EVC2: variants seen among roughly 807,000 people sequenced by gnomAD.
The protein encoded by EVC2 is EvC ciliary complex subunit 2, also known as limbin.
EVC2 carries 148 observed loss-of-function variants against 149.3 expected under a neutral mutation model. That is an observed-to-expected ratio of 0.99 (90% confidence interval 0.87 to 1.14). The LOEUF (loss-of-function observed/expected upper bound fraction) is 1.14, where lower values mean the gene tolerates loss of function less well. Ranked by LOEUF, EVC2 falls within the 50% of genes most tolerant of loss-of-function variation. EVC2 has a pLI of 0.00. For synonymous variants in EVC2, 776 were observed against 649.9 expected (o/e 1.19, Z -2.95); for missense variants, 1,854 against 1,627.3 (o/e 1.14, Z -2.40).
At chr4:5,592,493 G>C (rs184456081) in intron 16 of EVC2, among the ~76,000 whole-genome samples, 18 of 152,324 alleles carry the variant, frequency 1.2e-4, no homozygotes, top group Non-Finnish European at 2.4e-4. Context: ...AGGAATGTCA[G>C]GTGGCCATCA....
chr4:5,665,575 A>G lies in EVC2; in HGVS notation c.945T>C (p.Ala315=). Reference sequence around the variant, plus strand: ...GATAGCGAACCATGAGGAAGAGGGCAGCCCAGGTCAGCACAAGGGAGAGGA... The same window carrying G: ...GATAGCGAACCATGAGGAAGAGGGCGGCCCAGGTCAGCACAAGGGAGAGGA... ...AFLLSLVLTW[A]ALFLMVRYQC... The change falls in exon 8 of 22, where the codon GCT becomes GCC. Residue 315 remains alanine (A), a synonymous_variant. Transcript: ENST00000344408. The G allele has an allele frequency of 1.2e-6, 2 of 1,614,244 alleles. No homozygotes were observed. Among genetic ancestry groups the G allele is most frequent in the Non-Finnish European group, 1.7e-6 (2 of 1,180,040 alleles).
In EVC2 at chr4:5,686,389, T is replaced by C. The variant is rs911058255; in HGVS notation, c.707-910A>G. Among the ~76,000 whole-genome samples the C allele has an allele frequency of 1.3e-5, 2 of 152,032 alleles. No individual in the cohort carries two copies. The highest frequency in any genetic ancestry group is 2.4e-5 in the African/African-American group (1 of 41,400). On this transcript the variant is annotated intron_variant, in intron 5 of 21. Coordinates refer to ENST00000344408, the MANE Select transcript of EVC2 (RefSeq NM_147127.5). This position sits in a 1 kb window ranked among gnomAD's most constrained non-coding sequence, Gnocchi z 5.4. ...TTTATATAACCTAGAGCTAAGATAA[T>C]GAACGTAAAGTGATAAAGATAATGG...
At chr4:5,544,712 A>C (rs1204898819) in intron 21 of EVC2, among the ~76,000 whole-genome samples, 1 of 152,234 alleles carries the variant, frequency 6.6e-6, no homozygotes, top group Non-Finnish European at 1.5e-5. Flanking sequence ...AGAACTAAAC[A>C]GAGAAGAGAG....
intron 16 of EVC2, among the ~76,000 whole-genome samples, chr4:5,610,792 T>TCC (rs1282216486): frequency 8.4e-6 from 1 of 118,626 alleles, no homozygotes; most frequent in Middle Eastern, 3.4e-3. Context: ...CTTTTTCCTT[T>TCC]TCTTTTTTTT....
At chr4:5,616,058 G>A (rs28372360) in intron 15 of EVC2, among the ~76,000 whole-genome samples, 14,920 of 152,236 alleles carry the variant, frequency 0.098, 1,430 homozygotes, top group African/African-American at 0.25. Flanking sequence ...CCTAGAGAGG[G>A]CCAGGCAGGG....
Position 5,615,461 on chromosome 4 carries a change from G to A in EVC2, c.2790C>T (p.His930=), listed in dbSNP as rs768878731. 1 of 1,614,080 alleles carries A rather than the reference G, an allele frequency of 6.2e-7. No individual in the cohort carries two copies. Among genetic ancestry groups the A allele is most frequent in the African/African-American group, 1.3e-5 (1 of 74,920 alleles). The change falls in exon 16 of 22, where the codon CAC becomes CAT. Residue 930 remains histidine, a synonymous_variant. Transcript: ENST00000344408. ...LLKKCIEDKI[H]LCEEQASEDL... ...CTTCAGAGGCCTGTTCCTCACAGAG[G>A]TGAATTTTGTCTTCGATGCACTTCT...
At chr4:5,621,159 C>T (rs142603264) in intron 14 of EVC2, among the ~76,000 whole-genome samples, 1 of 152,254 alleles carries the variant, frequency 6.6e-6, no homozygotes, top group African/African-American at 2.4e-5. Context: ...GTAGCAAGGT[C>T]GGATCCTGGG....
At chr4:5,560,195 G>A (rs774798854), downstream of EVC2, among the ~76,000 whole-genome samples, 2 of 151,828 alleles carry the variant, frequency 1.3e-5, no homozygotes, top group Non-Finnish European at 2.9e-5. The surrounding 1 kb of genome is among the most constrained non-coding windows in gnomAD (Gnocchi z 4.1). Context: ...AAGTTCCTTG[G>A]AGCTTCTCTC....
chr4:5,606,847 G>T (rs1455977328), intron 16 of EVC2, among the ~76,000 whole-genome samples: 1 of 152,118 alleles, frequency 6.6e-6, no homozygotes, highest in Non-Finnish European at 1.5e-5. Flanking sequence ...TAGGAGGTAG[G>T]CGCTTCTATT....
Position 5,618,464 on chromosome 4 carries a change from CAGGT to C in EVC2, c.2706+10_2706+13del. 1 of 1,612,454 alleles carries C rather than the reference CAGGT, an allele frequency of 6.2e-7. No individual in the cohort carries two copies. The highest frequency in any genetic ancestry group is 8.5e-7 in the Non-Finnish European group (1 of 1,180,008). On this transcript the variant is annotated intron_variant, in intron 15 of 21. Transcript: ENST00000344408. This position sits in a 1 kb window ranked among gnomAD's most constrained non-coding sequence, Gnocchi z 4.4. ...CCCTGCTTCTGTAATCGGCCACTGACAGGTCCATCCTACCTGCAGCTCAGGGGCA... is the reference window on the plus strand; with the variant it reads ...CCCTGCTTCTGTAATCGGCCACTGACCCATCCTACCTGCAGCTCAGGGGCA...
chr4:5,682,893 T>G (rs1373497977), intron 6 of EVC2, among the ~76,000 whole-genome samples: 1 of 151,148 alleles, frequency 6.6e-6, no homozygotes, highest in Non-Finnish European at 1.5e-5. Context: ...ACCTTGGGAC[T>G]TAGAGCTTGC....
In EVC2 at chr4:5,618,534, A is replaced by T; in HGVS notation, c.2650T>A (p.Trp884Arg). The T allele has an allele frequency of 6.2e-7, 1 of 1,614,072 alleles. No individual in the cohort carries two copies. Among genetic ancestry groups the T allele is most frequent in the Non-Finnish European group, 8.5e-7 (1 of 1,180,032 alleles). Residue 884 changes from tryptophan to arginine, a missense_variant, in exon 15 of 22, where the codon TGG becomes AGG. By Grantham distance (101) the Trp-to-Arg change is moderately radical. Transcript: ENST00000344408. This position sits in a 1 kb window ranked among gnomAD's most constrained non-coding sequence, Gnocchi z 4.4. The part of the protein sequence containing the change: ...RVLLQQFQTA[W>R]REAEFVKLDQ... ...AGCTTCACGAACTCTGCTTCTCGCC[A>T]CGCAGTCTGAAATTGCTGCAGCAGA...
In EVC2 at chr4:5,613,154, T is replaced by C. The variant is rs1714983210; in HGVS notation, c.2829+2268A>G. ...CCAAGGGTGCTGGTGAGATGGCCCT[T>C]AGCTTTCTCAGCCTGGCCTTTGAGC... On this transcript the variant is annotated intron_variant, in intron 16 of 21. Transcript: ENST00000344408. The surrounding 1 kb of genome is among the most constrained non-coding windows in gnomAD (Gnocchi z 4.6). Among the ~76,000 whole-genome samples the C allele has an allele frequency of 6.6e-6, 1 of 151,964 alleles. No individual in the cohort carries two copies. Among genetic ancestry groups the C allele is most frequent in the Admixed American group, 6.5e-5 (1 of 15,272 alleles).
At chr4:5,656,748 C>A (rs1011246297) in intron 9 of EVC2, among the ~76,000 whole-genome samples, 1 of 152,298 alleles carries the variant, frequency 6.6e-6, no homozygotes, top group South Asian at 2.1e-4. Flanking sequence ...TTGATTTCAG[C>A]CCAGAGAAAG....
intron 17 of EVC2, among the ~76,000 whole-genome samples, chr4:5,577,949 G>A (rs1291258442): frequency 2.0e-5 from 3 of 152,112 alleles, no homozygotes; most frequent in African/African-American, 7.2e-5. Context: ...AAGAAGGGAG[G>A]GTCACACCTG....
rs1722028736 is a variant in EVC2, at chr4:5,562,728, G to A, written c.*120C>T. 1 of 1,587,742 alleles carries A rather than the reference G, an allele frequency of 6.3e-7. No homozygotes were observed. The highest frequency in any genetic ancestry group is 1.7e-5 in the Admixed American group (1 of 58,646). ...CAAGTTGGCATGCGCTACGGGGTCT[G>A]TGCCTTCTGCATGTGCAATTTATAT... On this transcript the variant is annotated 3_prime_UTR_variant, in exon 22 of 22. Coordinates refer to ENST00000344408, the MANE Select transcript of EVC2 (RefSeq NM_147127.5). This position sits in a 1 kb window ranked among gnomAD's most constrained non-coding sequence, Gnocchi z 4.3.
At chr4:5,667,554 T>A (rs1392320786) in intron 7 of EVC2, among the ~76,000 whole-genome samples, 1 of 152,110 alleles carries the variant, frequency 6.6e-6, no homozygotes, top group Admixed American at 6.5e-5. Context: ...GCCACCTGCA[T>A]ACAATCCCAC....
chr4:5,569,657 G>A lies in EVC2; in HGVS notation c.3361-1017C>T, dbSNP rs570405640. On this transcript the variant is annotated intron_variant, in intron 19 of 21. Coordinates refer to ENST00000344408, the MANE Select transcript of EVC2 (RefSeq NM_147127.5). The surrounding 1 kb of genome is among the most constrained non-coding windows in gnomAD (Gnocchi z 4.8). ...GGCCTGTGCAGGGGCAGGCAGGGGT[G>A]GGAGGGAACAAGTCCAGGTGCCGGA... Among the ~76,000 whole-genome samples, 2 of 152,136 alleles carry A rather than the reference G, an allele frequency of 1.3e-5. No individual in the cohort carries two copies. Among genetic ancestry groups the A allele is most frequent in the African/African-American group, 4.8e-5 (2 of 41,524 alleles).
Position 5,568,434 on chromosome 4 carries a change from C to A in EVC2, c.3557+10G>T, listed in dbSNP as rs116218656. ...CGTGCCCCGGGAGGCAGCCCCTCCA[C>A]GGCACTCACCTCCGCCTGCCCACGT... On this transcript the variant is annotated intron_variant, in intron 20 of 21. Coordinates refer to ENST00000344408, the MANE Select transcript of EVC2 (RefSeq NM_147127.5). 1.3e-6 allele frequency: 2 copies of A among 1,546,378 alleles called. No individual in the cohort carries two copies. Among genetic ancestry groups the A allele is most frequent in the Middle Eastern group, 2.3e-4 (1 of 4,366 alleles).
Sources: gnomAD v4.1 joint callset for allele counts (sites outside exome capture counted in the v4.1 genomes callset) on GRCh38, gnomAD v4.1.1 for gene constraint, Gnocchi (gnomAD v3.1) non-coding constraint, MANE v1.5 for transcripts, NCBI Gene and HGNC (gene_info 2026-07-23, HGNC 2026-07-21) for gene names.